Variants in ROBO1 observed in about 807,000 individuals in gnomAD.
ROBO1 encodes roundabout guidance receptor 1.
In ROBO1, 149 loss-of-function variants were observed where a neutral mutation model predicts 195.9. The ratio of observed to expected loss-of-function variants is 0.76; its 90% CI spans 0.67 to 0.87. ROBO1 has a LOEUF of 0.87. ROBO1 is among the 40% of genes least tolerant of loss of function. The probability of loss-of-function intolerance (pLI) is 0.00; values close to 1 mark genes in which losing one functional copy is unlikely to be tolerated. For synonymous variants in ROBO1, 816 were observed against 733.2 expected (o/e 1.11, Z -1.82); for missense variants, 1,933 against 2,068.3 (o/e 0.93, Z 1.27).
Position 78,627,512 on chromosome 3 carries a change from A to C in ROBO1, c.3684T>G (p.Asp1228Glu). 1 of 1,613,330 alleles carries C rather than the reference A, an allele frequency of 6.2e-7. No individual in the cohort carries two copies. The highest frequency in any genetic ancestry group is 8.5e-7 in the Non-Finnish European group (1 of 1,179,708). Reference sequence around the variant, plus strand: ...GTTCATCTTCCTCCTCTTCTAATTCATCTTGTTGCAAATACATCCTTGCTG... The same window carrying C: ...GTTCATCTTCCTCCTCTTCTAATTCCTCTTGTTGCAAATACATCCTTGCTG... ...VPPARMYLQQ[D>E]ELEEEEDERG... Residue 1228 changes from aspartate to glutamate, a missense_variant, in exon 26 of 31, where the codon GAT (aspartate) becomes GAG (glutamate). By Grantham distance (45) the Asp-to-Glu change is conservative. Around this residue, in one of 3 missense-constraint regions of ROBO1, gnomAD observed 1,737 missense variants for 1,882.5 expected, o/e 0.92. Coordinates refer to ENST00000464233, the MANE Select transcript of ROBO1 (RefSeq NM_002941.4).
intron 3 of ROBO1, among the ~76,000 whole-genome samples, chr3:79,051,333 T>C (rs1285538996): frequency 2.0e-5 from 3 of 152,134 alleles, no homozygotes; most frequent in Non-Finnish European, 4.4e-5. Context: ...CCTGGACACA[T>C]ACATCCTCCC....
chr3:79,759,516 T>G (rs780008262), intron 1 of ROBO1, among the ~76,000 whole-genome samples: 5 of 152,174 alleles, frequency 3.3e-5, no homozygotes, highest in Non-Finnish European at 5.9e-5. Context: ...AGTTCATCCT[T>G]AGTAAACAGG....
At chr3:79,684,996 A>T (rs1947058576) in intron 1 of ROBO1, among the ~76,000 whole-genome samples, 2 of 152,084 alleles carry the variant, frequency 1.3e-5, no homozygotes, top group Admixed American at 1.3e-4. Context: ...CAACTCTGGA[A>T]ATCAGACCTC....
At chr3:79,153,483 C>T (rs912666289) in intron 2 of ROBO1, among the ~76,000 whole-genome samples, 1 of 151,614 alleles carries the variant, frequency 6.6e-6, no homozygotes, top group Non-Finnish European at 1.5e-5. Context: ...AGATAATAAT[C>T]AGCAAAGCTT....
chr3:78,895,958 G>A (rs964523637), intron 4 of ROBO1, among the ~76,000 whole-genome samples: 6 of 152,092 alleles, frequency 3.9e-5, no homozygotes, highest in African/African-American at 7.2e-5. Context: ...TTGGAAGAAC[G>A]GGTGTTTAAT....
At chr3:79,234,665 T>G (rs992809042) in intron 2 of ROBO1, among the ~76,000 whole-genome samples, 1 of 152,136 alleles carries the variant, frequency 6.6e-6, no homozygotes, top group African/African-American at 2.4e-5. Flanking sequence ...ATCATGTTCT[T>G]TGCAGCAACA....
At chr3:79,463,725 T>A (rs1015144686) in intron 2 of ROBO1, among the ~76,000 whole-genome samples, 1 of 152,254 alleles carries the variant, frequency 6.6e-6, no homozygotes, top group Non-Finnish European at 1.5e-5. Flanking sequence ...ATAGTTGAAC[T>A]GATGGTTGTC....
intron 2 of ROBO1, among the ~76,000 whole-genome samples, chr3:79,368,881 T>C (rs2036077578): frequency 6.6e-6 from 1 of 152,160 alleles, no homozygotes; most frequent in Non-Finnish European, 1.5e-5. Flanking sequence ...TGTTTTTACA[T>C]GATGAAAGAG....
At chr3:78,726,542 T>A (rs552834005) in intron 5 of ROBO1, among the ~76,000 whole-genome samples, 1 of 152,168 alleles carries the variant, frequency 6.6e-6, no homozygotes, top group East Asian at 1.9e-4. Flanking sequence ...TTAAGTGAGA[T>A]GAGAGGTTTT....
chr3:79,179,734 AC>A (rs2081310556), intron 2 of ROBO1, among the ~76,000 whole-genome samples: 1 of 152,222 alleles, frequency 6.6e-6, no homozygotes, highest in Admixed American at 6.5e-5. Flanking sequence ...GACACTGAAT[AC>A]CCAGAATAAA....
intron 1 of ROBO1, among the ~76,000 whole-genome samples, chr3:79,636,955 T>C (rs1346123543): frequency 6.6e-6 from 1 of 152,188 alleles, no homozygotes; most frequent in African/African-American, 2.4e-5. Context: ...ATGAAAAATT[T>C]TGAAAGCTTA....
chr3:79,233,503 G>C (rs1012627723), intron 2 of ROBO1, among the ~76,000 whole-genome samples: 1 of 152,078 alleles, frequency 6.6e-6, no homozygotes, highest in African/African-American at 2.4e-5. Context: ...CAGAAGTTGA[G>C]AAGTGAACCT....
At chr3:79,246,552 T>C (rs78249819) in intron 2 of ROBO1, among the ~76,000 whole-genome samples, 111 of 152,260 alleles carry the variant, frequency 7.3e-4, no homozygotes, top group Non-Finnish European at 1.3e-3. Context: ...AATCATACAA[T>C]AGTTGAATAT....
At chr3:78,992,789 C>T (rs553821839) in intron 3 of ROBO1, among the ~76,000 whole-genome samples, 10 of 152,208 alleles carry the variant, frequency 6.6e-5, no homozygotes, top group Admixed American at 5.2e-4. Context: ...TTGTTTCACA[C>T]TAGAAGACAT....
intron 4 of ROBO1, chr3:78,759,086 G>A (rs964602385): frequency 4.6e-5 from 7 of 152,392 alleles, no homozygotes; most frequent in African/African-American, 1.7e-4. Context: ...TGGGATTCGT[G>A]GTGGCGCCAA....
chr3:78,941,063 T>A (rs1257668348), intron 3 of ROBO1, among the ~76,000 whole-genome samples: 1 of 152,266 alleles, frequency 6.6e-6, no homozygotes, highest in East Asian at 1.9e-4. Flanking sequence ...ATCTAATTTG[T>A]AACTACTCCA....
intron 4 of ROBO1, among the ~76,000 whole-genome samples, chr3:78,855,367 G>A (rs2034350561): frequency 6.6e-6 from 1 of 152,140 alleles, no homozygotes; most frequent in Non-Finnish European, 1.5e-5. Flanking sequence ...AATTAGATCT[G>A]CTCTTGGAGT....
At chr3:78,726,980 T>C (rs2082176501) in intron 5 of ROBO1, among the ~76,000 whole-genome samples, 1 of 152,162 alleles carries the variant, frequency 6.6e-6, no homozygotes, top group Non-Finnish European at 1.5e-5. Context: ...GTAATACCCA[T>C]TACTTTCCAA....
chr3:79,170,507 T>A (rs915513133), intron 2 of ROBO1, among the ~76,000 whole-genome samples: 4 of 152,158 alleles, frequency 2.6e-5, no homozygotes, highest in African/African-American at 9.6e-5. Flanking sequence ...TAGGAAAATA[T>A]GTGAAATGTT....
Sources: gnomAD v4.1 joint callset for allele counts (sites outside exome capture counted in the v4.1 genomes callset) on GRCh38, gnomAD v4.1.1 for gene constraint, gnomAD v4.1.1 regional missense constraint, MANE v1.5 for transcripts, NCBI Gene and HGNC (gene_info 2026-07-23, HGNC 2026-07-21) for gene names.